Variants in TMEM132D observed in about 807,000 individuals in gnomAD.
TMEM132D encodes mature OL transmembrane protein.
A neutral mutation model predicts 62.3 loss-of-function variants in TMEM132D; 21 were observed. The observed-to-expected ratio is 0.34, with a 90% CI of 0.24 to 0.49. The LOEUF is 0.49. Ranked by LOEUF, TMEM132D falls within the 20% of genes least tolerant of loss-of-function variation. The pLI is 0.99. For missense variants in TMEM132D, 1,346 were observed against 1,402.8 expected, an observed-to-expected ratio of 0.96 and a Z score of 0.65; for synonymous variants, 621 against 575.6, an observed-to-expected ratio of 1.08 and a Z score of -1.13.
chr12:129,102,768 G>C (rs116355557), intron 5 of TMEM132D, among the ~76,000 whole-genome samples: 1 of 152,082 alleles, frequency 6.6e-6, no homozygotes, highest in South Asian at 2.1e-4. Context: ...AAATATTCTC[G>C]ACCCTGAACC....
At chr12:129,381,415 T>C (rs1196928317) in intron 3 of TMEM132D, among the ~76,000 whole-genome samples, 1 of 152,208 alleles carries the variant, frequency 6.6e-6, no homozygotes, top group East Asian at 1.9e-4. Flanking sequence ...TCCAAGCAAC[T>C]TGAAATTGCA....
At chr12:129,081,421 C>T (rs1874441410) in intron 7 of TMEM132D, among the ~76,000 whole-genome samples, 1 of 152,144 alleles carries the variant, frequency 6.6e-6, no homozygotes, top group African/African-American at 2.4e-5. Flanking sequence ...ACCTCAGCCT[C>T]CCGAGTAGCT....
intron 2 of TMEM132D, among the ~76,000 whole-genome samples, chr12:129,532,076 T>C (rs750309193): frequency 1.1e-4 from 17 of 151,916 alleles, no homozygotes; most frequent in Non-Finnish European, 2.1e-4. Context: ...TAATAATAAA[T>C]AAAATATAAA....
intron 1 of TMEM132D, among the ~76,000 whole-genome samples, chr12:129,782,614 G>A (rs570102737): frequency 6.6e-6 from 1 of 152,366 alleles, no homozygotes; most frequent in Non-Finnish European, 1.5e-5. Context: ...AAGCTCAGGT[G>A]TATTCCTGAT....
chr12:129,461,035 T>C (rs1236513556), intron 3 of TMEM132D, among the ~76,000 whole-genome samples: 1 of 152,180 alleles, frequency 6.6e-6, no homozygotes, highest in Non-Finnish European at 1.5e-5. Context: ...GACATGGGTA[T>C]AGGTTCCCAG....
Position 129,387,658 on chromosome 12 carries a change from G to A in TMEM132D, c.1116-49841C>T, listed in dbSNP as rs191139088. Reference sequence around the variant, plus strand: ...ACTAACGTTAATGCTAATGCCATGTGCCAACACTAACACCAACACCAATAC... The same window carrying A: ...ACTAACGTTAATGCTAATGCCATGTACCAACACTAACACCAACACCAATAC... On this transcript the variant is annotated intron_variant, in intron 3 of 8. Transcript: ENST00000422113. 2.4e-3 allele frequency among the ~76,000 whole-genome samples: 357 copies of A among 151,782 alleles called. 2 individuals are homozygous for A. The highest frequency in any genetic ancestry group is 8.2e-3 in the African/African-American group (339 of 41,374).
chr12:129,124,158 G>C (rs1451510868), intron 5 of TMEM132D, among the ~76,000 whole-genome samples: 1 of 151,948 alleles, frequency 6.6e-6, no homozygotes, highest in African/African-American at 2.4e-5. Context: ...AGGGTTACAG[G>C]GAGGGCTCCG....
intron 4 of TMEM132D, among the ~76,000 whole-genome samples, chr12:129,228,027 G>T (rs942679414): frequency 6.6e-6 from 1 of 152,162 alleles, no homozygotes; most frequent in South Asian, 2.1e-4. Context: ...GGACATCGAC[G>T]CTGTGTACAA....
intron 5 of TMEM132D, among the ~76,000 whole-genome samples, chr12:129,137,299 T>TATCACC (rs1232756244): frequency 6.6e-6 from 1 of 151,486 alleles, no homozygotes; most frequent in African/African-American, 2.4e-5. Context: ...TCACTATCAC[T>TATCACC]ATCACCATCA....
chr12:129,457,527 C>T (rs913789076), intron 3 of TMEM132D, among the ~76,000 whole-genome samples: 16 of 151,164 alleles, frequency 1.1e-4, no homozygotes, highest in Admixed American at 9.2e-4. Flanking sequence ...ACCAACATGG[C>T]ACATGTATAC....
At chr12:129,159,396 A>T (rs1877333401) in intron 5 of TMEM132D, among the ~76,000 whole-genome samples, 1 of 152,186 alleles carries the variant, frequency 6.6e-6, no homozygotes, top group Non-Finnish European at 1.5e-5. Flanking sequence ...ACACGGAGGA[A>T]ATGTGAACAT....
chr12:129,091,308 A>G (rs1317584426), intron 5 of TMEM132D, among the ~76,000 whole-genome samples: 1 of 140,952 alleles, frequency 7.1e-6, no homozygotes, highest in Non-Finnish European at 1.5e-5. Context: ...GGGACCTTAT[A>G]TAGGCTCACA....
At chr12:129,384,045 G>A (rs757478176) in intron 3 of TMEM132D, among the ~76,000 whole-genome samples, 7 of 152,282 alleles carry the variant, frequency 4.6e-5, no homozygotes, top group South Asian at 2.1e-4. Context: ...CTGAATTGCC[G>A]AAAATACATA....
intron 1 of TMEM132D, among the ~76,000 whole-genome samples, chr12:129,889,313 G>A (rs10773718): frequency 0.57 from 85,838 of 151,890 alleles, 25,485 homozygotes; most frequent in Middle Eastern, 0.72. Context: ...TGGCAGTCAC[G>A]TTTCCAAATG....
intron 5 of TMEM132D, among the ~76,000 whole-genome samples, chr12:129,093,590 G>T (rs1446592566): frequency 1.3e-5 from 2 of 152,288 alleles, no homozygotes; most frequent in South Asian, 4.1e-4. Flanking sequence ...AATCAATATC[G>T]TGAAAATGGC....
chr12:129,321,176 C>G (rs1868692760), intron 4 of TMEM132D, among the ~76,000 whole-genome samples: 1 of 152,116 alleles, frequency 6.6e-6, no homozygotes, highest in Admixed American at 6.5e-5. Flanking sequence ...TAAATGAAAG[C>G]TAGACAATTT....
chr12:129,086,201 C>CGCGCGCGCGTGTGT (rs1349816832), intron 5 of TMEM132D, among the ~76,000 whole-genome samples: 1 of 141,038 alleles, frequency 7.1e-6, no homozygotes, highest in Admixed American at 6.8e-5. Flanking sequence ...CACGCGCGCG[C>CGCGCGCGCGTGTGT]GTGTGTGTGT....
chr12:129,337,441 G>GCGCACACACACA (rs56091765), intron 4 of TMEM132D, among the ~76,000 whole-genome samples, 193 bp downstream of exon 4: 11 of 148,112 alleles, frequency 7.4e-5, no homozygotes, highest in African/African-American at 5.0e-5. Context: ...ATACACACAC[G>GCGCACACACACA]CACACACACA....
chr12:129,667,584 T>A (rs1195766911), intron 2 of TMEM132D, among the ~76,000 whole-genome samples: 1 of 152,146 alleles, frequency 6.6e-6, no homozygotes, highest in Non-Finnish European at 1.5e-5. Flanking sequence ...TTTTAAACCT[T>A]TAATATTTGA....
Sources: allele counts gnomAD v4.1 joint callset (sites outside exome capture counted in the v4.1 genomes callset), GRCh38; gene constraint gnomAD v4.1.1; transcripts MANE v1.5; gene names NCBI Gene and HGNC (gene_info 2026-07-23, HGNC 2026-07-21).